The following PLG variants were observed in gnomAD, a reference collection of about 807,000 sequenced individuals.
PLG encodes the protein plasminogen.
A neutral mutation model predicts 104.4 loss-of-function variants in PLG; 41 were observed. That is an observed-to-expected ratio of 0.39 (90% CI 0.31 to 0.51). The LOEUF (loss-of-function observed/expected upper bound fraction) is 0.51. Among genes scored for constraint, PLG ranks in the 20% least tolerant of loss-of-function variants. PLG has a pLI of 0.76. For synonymous variants in PLG, 337 were observed against 357.1 expected (o/e 0.94, Z 0.63); for missense variants, 891 against 1,003.6 (o/e 0.89, Z 1.52).
intron 1 of PLG, among the ~76,000 whole-genome samples, chr6:160,704,227 A>G (rs1364435918): frequency 1.3e-5 from 2 of 152,256 alleles, no homozygotes; most frequent in Non-Finnish European, 2.9e-5. Context: ...GAATAAGAGA[A>G]GAAAAAATGG....
intron 17 of PLG, among the ~76,000 whole-genome samples, chr6:160,743,354 T>C (rs879086932): frequency 6.6e-6 from 1 of 152,200 alleles, no homozygotes; most frequent in Non-Finnish European, 1.5e-5. Flanking sequence ...GTTTTGTAAT[T>C]CTTATTGTAG....
chr6:160,708,994 C>A (rs1777585560), intron 3 of PLG, among the ~76,000 whole-genome samples: 1 of 151,760 alleles, frequency 6.6e-6, no homozygotes, highest in South Asian at 2.1e-4. Context: ...CCTGATTCTC[C>A]TGATTCTCTC....
intron 17 of PLG, among the ~76,000 whole-genome samples, chr6:160,749,653 CCAT>C (rs772310671): frequency 6.7e-6 from 1 of 148,974 alleles, no homozygotes; most frequent in South Asian, 2.1e-4. Flanking sequence ...ACTACCACCA[CCAT>C]CACCACCATC....
chr6:160,726,193 G>A lies in PLG; in HGVS notation c.1256+3626G>A, dbSNP rs1042627276. Among the ~76,000 whole-genome samples the A allele has an allele frequency of 5.3e-5, 8 of 152,032 alleles. No individual in the cohort carries two copies. In the East Asian group the frequency reaches 5.8e-4, roughly 11 times the overall value. On this transcript the variant is annotated intron_variant, in intron 10 of 18. Coordinates refer to ENST00000308192, the MANE Select transcript of PLG (RefSeq NM_000301.5). The surrounding 1 kb of genome is among the most constrained non-coding windows in gnomAD (Gnocchi z 4.4). Reference sequence around the variant, plus strand: ...TTCCCCAACATATACCATATGTGTGGGCCTACAGCAAGTCTTAATAGATTG... The same window carrying A: ...TTCCCCAACATATACCATATGTGTGAGCCTACAGCAAGTCTTAATAGATTG...
Position 160,707,807 on chromosome 6 carries a change from G to C in PLG, c.292+1G>C. ...GATGTAGTTTTATTTGAAAAGAAAG[G>C]TGAGTACATTTTCTTCCTCCTCCTC... On this transcript the variant is annotated splice_donor_variant, in intron 3 of 18. Coordinates refer to ENST00000308192, the MANE Select transcript of PLG (RefSeq NM_000301.5). LOFTEE classifies it high-confidence loss of function. 1 of 1,606,926 alleles carries C rather than the reference G, an allele frequency of 6.2e-7. No homozygotes were observed. Among genetic ancestry groups the C allele is most frequent in the Admixed American group, 1.7e-5 (1 of 60,002 alleles).
chr6:160,708,971 A>T lies in PLG; in HGVS notation c.292+1165A>T, dbSNP rs559989457. 2.3e-4 allele frequency among the ~76,000 whole-genome samples: 32 copies of T among 138,974 alleles called. No individual in the cohort carries two copies. The East Asian group carries it at 3.0e-3, about 13-fold the overall frequency. 91.2% of individuals were successfully genotyped at this position (138,974 alleles called of 152,430 possible). Reference sequence around the variant, plus strand: ...GGATCACCTAATTGTACCAGATTTTAAAAAAAAAAAACCCTGATTCTCCTG... The same window carrying T: ...GGATCACCTAATTGTACCAGATTTTTAAAAAAAAAAACCCTGATTCTCCTG... On this transcript the variant is annotated intron_variant, in intron 3 of 18. Transcript: ENST00000308192.
At chr6:160,727,076 G>T (rs1314594044) in intron 10 of PLG, among the ~76,000 whole-genome samples, 1 of 151,618 alleles carries the variant, frequency 6.6e-6, no homozygotes, top group Non-Finnish European at 1.5e-5. Flanking sequence ...TCAACATCAG[G>T]AGTAAAAAAA....
chr6:160,748,417 G>GAGAAA (rs1554252983), intron 17 of PLG, among the ~76,000 whole-genome samples: 1 of 62,360 alleles, frequency 1.6e-5, no homozygotes, highest in African/African-American at 6.4e-5. Context: ...AGAAAGAAAG[G>GAGAAA]GAAAGAAAGA....
chr6:160,730,908 GTT>G, intron 10 of PLG, 141 bp from the exon 11 acceptor site: 1 of 774,586 alleles, frequency 1.3e-6, no homozygotes, highest in South Asian at 1.7e-5. Context: ...GACCATTTTT[GTT>G]TGTTACAACA....
chr6:160,746,217 G>A (rs1231528265), intron 17 of PLG, among the ~76,000 whole-genome samples: 2 of 152,194 alleles, frequency 1.3e-5, no homozygotes, highest in East Asian at 1.9e-4. Context: ...ATCCTGAAAT[G>A]TTTTCTAAAT....
rs2115190636 is a variant in PLG at position 160,752,817 on chromosome 6, A to T, written c.2272-83A>T. 6.9e-7 allele frequency: 1 copy of T among 1,447,784 alleles called. No individual in the cohort carries two copies. Among genetic ancestry groups the T allele is most frequent in the Non-Finnish European group, 9.7e-7 (1 of 1,029,152 alleles). The allele number at this position is 1,447,784 out of a possible 1,614,324, so 89.7% of individuals were successfully genotyped here. ...GATTTCAATTACTGGGAAAATGTAT[A>T]TATGGATAGTAGAAGGATGGCATCC... On this transcript the variant is annotated intron_variant, in intron 18 of 18. Transcript: ENST00000308192. The surrounding 1 kb of genome is among the most constrained non-coding windows in gnomAD (Gnocchi z 4.7).
intron 17 of PLG, among the ~76,000 whole-genome samples, chr6:160,743,011 C>A (rs1278589539): frequency 7.1e-6 from 1 of 140,632 alleles, no homozygotes; most frequent in African/African-American, 2.6e-5. Flanking sequence ...GTCTACGTGT[C>A]TTTTTTTTTT....
At chr6:160,745,479 T>C (rs1778263517) in intron 17 of PLG, among the ~76,000 whole-genome samples, 1 of 152,246 alleles carries the variant, frequency 6.6e-6, no homozygotes, top group Non-Finnish European at 1.5e-5. Context: ...CCTTGCTTTT[T>C]TGTCTGATTT....
At chr6:160,717,794 A>G (rs1777764092) in intron 7 of PLG, among the ~76,000 whole-genome samples, 1 of 152,202 alleles carries the variant, frequency 6.6e-6, no homozygotes, top group Non-Finnish European at 1.5e-5. Context: ...TTCCTTGTGA[A>G]AGGGTCTCAC....
At position 160,707,813 on chromosome 6, in the gene PLG, A is replaced by G. The variant is rs753877451; in HGVS notation, c.292+7A>G. ...GTTTTATTTGAAAAGAAAGGTGAGT[A>G]CATTTTCTTCCTCCTCCTCCTACTG... On this transcript the variant is annotated splice_region_variant and intron_variant, in intron 3 of 18. Transcript: ENST00000308192. The G allele has an allele frequency of 1.9e-6, 3 of 1,596,926 alleles. No individual in the cohort carries two copies. The highest frequency in any genetic ancestry group is 2.6e-6 in the Non-Finnish European group (3 of 1,166,198).
rs1489362564 is a variant in PLG, at chr6:160,711,169, T to C, written c.385T>C (p.Ser129Pro). 1.2e-6 allele frequency: 2 copies of C among 1,613,262 alleles called. No homozygotes were observed. Among genetic ancestry groups the C allele is most frequent in the Non-Finnish European group, 1.7e-6 (2 of 1,179,252 alleles). Residue 129 changes from serine (S) to proline (P), a missense_variant, in exon 4 of 19, where the codon TCC (serine) becomes CCC (proline). By Grantham distance (74) the Ser-to-Pro change is moderately conservative. Around this residue, in one of 2 missense-constraint regions of PLG, gnomAD observed 854 missense variants for 932.1 expected, o/e 0.92. Coordinates refer to ENST00000308192, the MANE Select transcript of PLG (RefSeq NM_000301.5). ...TGGCATCACCTGTCAAAAATGGAGT[T>C]CCACTTCTCCCCACAGACCTAGGTA... ...KNGITCQKWS[S>P]TSPHRPRFSP...
intron 3 of PLG, among the ~76,000 whole-genome samples, chr6:160,708,949 T>C (rs1050093239): frequency 3.3e-5 from 5 of 149,972 alleles, no homozygotes; most frequent in African/African-American, 9.9e-5. Context: ...CTAAATAGGA[T>C]CACCTAATTG....
chr6:160,724,803 A>G lies in PLG; in HGVS notation c.1256+2236A>G, dbSNP rs1337401002. ...CTCCCCCAAAATAAATAAAACACTAAGAGAATATTTCATTACTAGGCTTAT... is the reference window on the plus strand; with the variant it reads ...CTCCCCCAAAATAAATAAAACACTAGGAGAATATTTCATTACTAGGCTTAT... On this transcript the variant is annotated intron_variant, in intron 10 of 18. Coordinates refer to ENST00000308192, the MANE Select transcript of PLG (RefSeq NM_000301.5). This position sits in a 1 kb window ranked among gnomAD's most constrained non-coding sequence, Gnocchi z 5.0. 6.6e-6 allele frequency among the ~76,000 whole-genome samples: 1 copy of G among 152,204 alleles called. No individual in the cohort carries two copies. Among genetic ancestry groups the G allele is most frequent in the African/African-American group, 2.4e-5 (1 of 41,464 alleles).
chr6:160,739,254 T>A lies in PLG; in HGVS notation c.2018+46T>A, dbSNP rs1333383805. On this transcript the variant is annotated intron_variant, in intron 16 of 18. Coordinates refer to ENST00000308192, the MANE Select transcript of PLG (RefSeq NM_000301.5). The surrounding 1 kb of genome is among the most constrained non-coding windows in gnomAD (Gnocchi z 4.4). ...TTCACCCCACGCTGGTGAAGATATT[T>A]GCTTTATGTCTGGGTTTTATGGGCC... The A allele has an allele frequency of 6.2e-7, 1 of 1,613,664 alleles. No individual in the cohort carries two copies. The highest frequency in any genetic ancestry group is 8.5e-7 in the Non-Finnish European group (1 of 1,179,648).
Sources: gnomAD v4.1 joint callset for allele counts (sites outside exome capture counted in the v4.1 genomes callset) on GRCh38, gnomAD v4.1.1 for gene constraint, gnomAD v4.1.1 regional missense constraint, Gnocchi (gnomAD v3.1) non-coding constraint, MANE v1.5 for transcripts, NCBI Gene and HGNC (gene_info 2026-07-23, HGNC 2026-07-21) for gene names.